STPG2: variants seen among roughly 807,000 people sequenced by gnomAD.
The protein encoded by STPG2 is sperm-tail PG-rich repeat-containing protein 2.
STPG2 carries 56 observed loss-of-function variants against 54.2 expected under a neutral mutation model. The ratio of observed to expected loss-of-function variants is 1.03; its 90% CI spans 0.83 to 1.29. STPG2 has a LOEUF of 1.29. Ranked by LOEUF, STPG2 falls within the 50% of genes most tolerant of loss-of-function variation. The pLI is 0.00. For missense variants in STPG2, 596 were observed against 544.9 expected (o/e 1.09, Z -0.93); for synonymous variants, 200 against 181.8 (o/e 1.10, Z -0.81).
At chr4:97,941,535 A>T (rs2149229645) in intron 8 of STPG2, among the ~76,000 whole-genome samples, 1 of 152,194 alleles carries the variant, frequency 6.6e-6, no homozygotes, top group East Asian at 1.9e-4. Context: ...AAAGAATAAA[A>T]AATATTTCCC....
chr4:98,100,312 T>G lies in STPG2; in HGVS notation c.612+5641A>C, dbSNP rs548251578. On this transcript the variant is annotated intron_variant, in intron 5 of 10. Coordinates refer to ENST00000295268, the MANE Select transcript of STPG2 (RefSeq NM_174952.3). ...TAAGATATTTGTCCTCTAAGAACTA[T>G]GGTTTAATTGAGGATGTTAGATAAA... Among the ~76,000 whole-genome samples, 7 of 152,296 alleles carry G rather than the reference T, an allele frequency of 4.6e-5. No individual in the cohort carries two copies. In the South Asian group the frequency reaches 6.2e-4, roughly 14 times the overall value.
chr4:98,110,777 T>C (rs1446567097), intron 3 of STPG2, among the ~76,000 whole-genome samples: 3 of 152,148 alleles, frequency 2.0e-5, no homozygotes, highest in African/African-American at 7.2e-5. Flanking sequence ...TTGAGCTGGC[T>C]GCATACCCAT....
intron 10 of STPG2, among the ~76,000 whole-genome samples, chr4:97,646,812 G>A (rs961755877): frequency 9.2e-5 from 14 of 151,910 alleles, no homozygotes; most frequent in Non-Finnish European, 1.0e-4. Context: ...TTTGTTTGAC[G>A]TGGCCATCAC....
chr4:97,553,079 A>G (rs1560656816), intron 4 of STPG2, among the ~76,000 whole-genome samples: 1 of 152,144 alleles, frequency 6.6e-6, no homozygotes, highest in Non-Finnish European at 1.5e-5. Context: ...GTTCCTCTTT[A>G]TAGTTCTCAA....
intron 10 of STPG2, among the ~76,000 whole-genome samples, chr4:97,694,356 C>CA (rs199845899): frequency 0.013 from 1,953 of 150,774 alleles, 30 homozygotes; most frequent in Non-Finnish European, 0.019. Context: ...TACAGAAATA[C>CA]AAAAAAAATC....
chr4:98,138,032 G>C (rs1460194861), intron 1 of STPG2, among the ~76,000 whole-genome samples: 3 of 151,952 alleles, frequency 2.0e-5, no homozygotes, highest in Non-Finnish European at 4.4e-5. Context: ...TTTACAGTGA[G>C]GGTGACCAAT....
chr4:97,681,772 C>A (rs1723042450), intron 10 of STPG2, among the ~76,000 whole-genome samples: 1 of 151,586 alleles, frequency 6.6e-6, no homozygotes, highest in Non-Finnish European at 1.5e-5. Context: ...TAATATTATT[C>A]ATTATTGTCT....
chr4:97,956,272 AAAG>A (rs1172351641), intron 7 of STPG2, among the ~76,000 whole-genome samples: 2 of 152,144 alleles, frequency 1.3e-5, no homozygotes, highest in African/African-American at 4.8e-5. Flanking sequence ...GCAAAAACTA[AAAG>A]AATAGTAAAA....
At chr4:97,904,118 T>A (rs1052614806) in intron 8 of STPG2, among the ~76,000 whole-genome samples, 1 of 152,230 alleles carries the variant, frequency 6.6e-6, no homozygotes, top group Non-Finnish European at 1.5e-5. Flanking sequence ...GAGGCCTGCC[T>A]GCCTCTGTAG....
At chr4:97,781,019 G>T (rs1030756438) in intron 9 of STPG2, among the ~76,000 whole-genome samples, 1 of 152,024 alleles carries the variant, frequency 6.6e-6, no homozygotes, top group African/African-American at 2.4e-5. Flanking sequence ...AAAATTAAAA[G>T]AACTAGAGAA....
At chr4:97,616,094 A>ATATATG (rs1328622941) in intron 10 of STPG2, among the ~76,000 whole-genome samples, 1 of 93,822 alleles carries the variant, frequency 1.1e-5, no homozygotes, top group Non-Finnish European at 2.4e-5. Flanking sequence ...ATATATATAT[A>ATATATG]TGTATGTATA....
At chr4:97,935,124 T>G (rs1732701257) in intron 8 of STPG2, among the ~76,000 whole-genome samples, 1 of 152,212 alleles carries the variant, frequency 6.6e-6, no homozygotes. Context: ...TTCTTCTAGA[T>G]TTTCTAGTTT....
chr4:97,697,100 C>G (rs1840686), intron 10 of STPG2, among the ~76,000 whole-genome samples: 134,703 of 152,176 alleles, frequency 0.89, 59,975 homozygotes, highest in African/African-American at 0.98. Context: ...ACTATGTTCA[C>G]CTGGTCTAAA....
At position 97,850,190 on chromosome 4, in the gene STPG2, G is replaced by A. The variant is rs959903195; in HGVS notation, c.1045-9258C>T. On this transcript the variant is annotated intron_variant, in intron 8 of 10. Transcript: ENST00000295268. ...GCAAGAACAAAAAATCAAACACCGC[G>A]TATTCTCACTCATAGGTGGGAATTG... Among the ~76,000 whole-genome samples the A allele has an allele frequency of 2.1e-4, 29 of 138,860 alleles. No individual in the cohort carries two copies. In the East Asian group the frequency reaches 2.7e-3, roughly 13 times the overall value. 91.1% of individuals were successfully genotyped at this position (138,860 alleles called of 152,430 possible).
intron 7 of STPG2, among the ~76,000 whole-genome samples, chr4:97,949,233 C>T (rs1003372343): frequency 6.6e-6 from 1 of 152,064 alleles, no homozygotes. Context: ...ATAAGAATAG[C>T]TACTCCTGGT....
chr4:98,095,526 C>G (rs768693278), intron 5 of STPG2, among the ~76,000 whole-genome samples: 2 of 152,140 alleles, frequency 1.3e-5, no homozygotes, highest in Non-Finnish European at 2.9e-5. Context: ...GCTATACTTA[C>G]ATCAGTCAAC....
rs181441084 is a variant in STPG2 at position 97,633,838 on chromosome 4, T to G, written c.1321-74721A>C. On this transcript the variant is annotated intron_variant, in intron 10 of 10. Coordinates refer to ENST00000295268, the MANE Select transcript of STPG2 (RefSeq NM_174952.3). The stretch of plus-strand genomic sequence containing the variant: ...TATACCCCGCACCTGGCTCTGAGGG[T>G]CCTACCCCACGGAGTCTCGCTGATT... 871 of 155,968 alleles carry G rather than the reference T, an allele frequency of 5.6e-3. 6 individuals are homozygous for G. The highest frequency in any genetic ancestry group is 9.3e-3 in the Non-Finnish European group (662 of 71,414). The allele number at this position is 155,968 out of a possible 1,614,324, so 9.7% of individuals were successfully genotyped here. A position where few individuals can be genotyped will look rare whatever the true frequency, so the allele number is the denominator to read the frequency against.
At chr4:97,503,908 T>C (rs6845665) in intron 4 of STPG2, among the ~76,000 whole-genome samples, 1 of 54,192 alleles carries the variant, frequency 1.8e-5, no homozygotes, top group African/African-American at 7.7e-5. Flanking sequence ...TTCATATAAA[T>C]ATATTTTAAA....
intron 10 of STPG2, among the ~76,000 whole-genome samples, chr4:97,585,117 AAAAAAAAC>A (rs1353402572): frequency 0.011 from 1,660 of 146,784 alleles, 52 homozygotes; most frequent in African/African-American, 0.041. Flanking sequence ...AAAAAAAAAA[AAAAAAAAC>A]AAAACTACAA....
Sources: allele counts gnomAD v4.1 joint callset (sites outside exome capture counted in the v4.1 genomes callset), GRCh38; gene constraint gnomAD v4.1.1; transcripts MANE v1.5; gene names NCBI Gene and HGNC (gene_info 2026-07-23, HGNC 2026-07-21).